Variants in CLEC16A observed in about 807,000 individuals in gnomAD.
CLEC16A encodes protein CLEC16A.
CLEC16A carries 51 observed loss-of-function variants against 109.5 expected under a neutral mutation model. The observed-to-expected ratio is 0.47, with a 90% CI of 0.37 to 0.59. The LOEUF (loss-of-function observed/expected upper bound fraction) is 0.59, where lower values mean the gene tolerates loss of function less well. Ranked by LOEUF, CLEC16A falls within the 20% of genes least tolerant of loss-of-function variation. The probability of loss-of-function intolerance (pLI) is 0.00; values close to 1 mark genes in which losing one functional copy is unlikely to be tolerated. For synonymous variants in CLEC16A, 673 were observed against 564.2 expected (o/e 1.19, Z -2.73); for missense variants, 1,339 against 1,394.0 (o/e 0.96, Z 0.63).
At chr16:11,158,250 A>T (rs2054603715) in intron 22 of CLEC16A, among the ~76,000 whole-genome samples, 1 of 152,192 alleles carries the variant, frequency 6.6e-6, no homozygotes, top group African/African-American at 2.4e-5. Context: ...ATCGTCAGAA[A>T]CCTGAGCCAC....
At chr16:10,993,159 G>T (rs778033776) in intron 10 of CLEC16A, among the ~76,000 whole-genome samples, 1 of 152,082 alleles carries the variant, frequency 6.6e-6, no homozygotes, top group East Asian at 1.9e-4. Context: ...TGGGAGGCCG[G>T]TGTGGGCAGA....
intron 13 of CLEC16A, among the ~76,000 whole-genome samples, chr16:11,030,344 C>G (rs2046667596): frequency 6.6e-6 from 1 of 152,132 alleles, no homozygotes; most frequent in South Asian, 2.1e-4. Context: ...AAGATACTGC[C>G]AAACTGTTTT....
chr16:11,161,499 T>C (rs2054720056), intron 22 of CLEC16A, among the ~76,000 whole-genome samples: 1 of 152,204 alleles, frequency 6.6e-6, no homozygotes, highest in Non-Finnish European at 1.5e-5. Flanking sequence ...CCTAGGCTGC[T>C]GGAGGCAGAT....
chr16:11,093,826 A>T (rs2050451833), intron 19 of CLEC16A, among the ~76,000 whole-genome samples: 1 of 152,196 alleles, frequency 6.6e-6, no homozygotes, highest in South Asian at 2.1e-4. Context: ...TCCATGGCAC[A>T]GTTAGCAGGG....
intron 22 of CLEC16A, among the ~76,000 whole-genome samples, chr16:11,133,347 AAAAAAATTTTTTTTTTG>A (rs2053349669): frequency 6.6e-6 from 1 of 151,874 alleles, no homozygotes; most frequent in Admixed American, 6.6e-5. Flanking sequence ...TCAAAAAAAA[AAAAAAATTTTTTTTTTG>A]ACTCTCCTGA....
chr16:10,962,655 T>C, intron 3 of CLEC16A, 67 bp downstream of exon 3: 1 of 1,568,662 alleles, frequency 6.4e-7, no homozygotes, highest in Non-Finnish European at 8.7e-7. Flanking sequence ...TTGGGCGTGG[T>C]TTTCTGTGTC....
chr16:11,011,368 T>C (rs1597033779), intron 11 of CLEC16A, among the ~76,000 whole-genome samples: 1 of 152,222 alleles, frequency 6.6e-6, no homozygotes, highest in African/African-American at 2.4e-5. Flanking sequence ...TGTGGACTCA[T>C]GGATTCCAAT....
intron 22 of CLEC16A, among the ~76,000 whole-genome samples, chr16:11,163,279 G>A (rs1260337742): frequency 6.6e-6 from 1 of 152,192 alleles, no homozygotes; most frequent in African/African-American, 2.4e-5. Context: ...GAAATTGCAG[G>A]TGGGGGGCCT....
intron 15 of CLEC16A, among the ~76,000 whole-genome samples, chr16:11,042,973 TG>T (rs1466643307): frequency 6.6e-6 from 1 of 151,332 alleles, no homozygotes; most frequent in Non-Finnish European, 1.5e-5. Context: ...TATTTACATA[TG>T]TAATATGTAA....
intron 17 of CLEC16A, among the ~76,000 whole-genome samples, chr16:11,049,326 A>T (rs185289043): frequency 4.1e-4 from 63 of 151,954 alleles, no homozygotes; most frequent in African/African-American, 1.3e-3. Flanking sequence ...TTAAATCCGT[A>T]AGGTGGGGGA....
At chr16:11,163,375 G>A (rs1025337798) in intron 22 of CLEC16A, among the ~76,000 whole-genome samples, 1 of 152,256 alleles carries the variant, frequency 6.6e-6, no homozygotes, top group African/African-American at 2.4e-5. Context: ...GGGAGAGAGA[G>A]TGGAAAGGAG....
chr16:11,162,287 G>C (rs1178156744), intron 22 of CLEC16A, among the ~76,000 whole-genome samples: 1 of 152,342 alleles, frequency 6.6e-6, no homozygotes, highest in African/African-American at 2.4e-5. Context: ...CCCACTGTTG[G>C]AGTGGCCTGC....
At chr16:10,955,977 ACT>A (rs1178090585) in intron 1 of CLEC16A, among the ~76,000 whole-genome samples, 2 of 151,818 alleles carry the variant, frequency 1.3e-5, no homozygotes, top group Non-Finnish European at 2.9e-5. Flanking sequence ...AGTTTGGAAA[ACT>A]CTGCCGTTTG....
intron 2 of CLEC16A, 114 bp downstream of exon 2, chr16:10,958,024 C>T: frequency 9.4e-7 from 1 of 1,068,658 alleles, no homozygotes; most frequent in Non-Finnish European, 1.4e-6. Context: ...TTTGATCTTG[C>T]CTAGATATCT....
chr16:11,169,354 T>A (rs915297425), intron 23 of CLEC16A, among the ~76,000 whole-genome samples: 3 of 152,188 alleles, frequency 2.0e-5, no homozygotes, highest in Non-Finnish European at 4.4e-5. Flanking sequence ...TGTCGCAGTC[T>A]CGGCTCACTG....
In CLEC16A at chr16:11,173,219, T is replaced by C. The variant is rs188512596; in HGVS notation, c.2807-5116T>C. Among the ~76,000 whole-genome samples the C allele has an allele frequency of 1.1e-3, 163 of 152,334 alleles. 1 individual carries two copies. Among genetic ancestry groups the C allele is most frequent in the African/African-American group, 3.8e-3 (156 of 41,568 alleles). ...TCGTCCCTTTTCTCAGTTTTCTCTG[T>C]GGCATCATCCTTTTTTATTGTGGTA... On this transcript the variant is annotated intron_variant, in intron 23 of 23. Transcript: ENST00000409790.
chr16:11,097,930 G>A (rs1038460671), intron 19 of CLEC16A, among the ~76,000 whole-genome samples: 5 of 152,192 alleles, frequency 3.3e-5, no homozygotes, highest in East Asian at 1.9e-4. Flanking sequence ...GCTGGCCCAC[G>A]GGCGACAGGT....
At chr16:10,995,509 T>C (rs2044273672) in intron 10 of CLEC16A, among the ~76,000 whole-genome samples, 1 of 152,204 alleles carries the variant, frequency 6.6e-6, no homozygotes, top group South Asian at 2.1e-4. Context: ...GAGTCAAGTT[T>C]AAAGCATAGA....
rs200277462 is a variant in CLEC16A at position 11,180,373 on chromosome 16, T to C, written c.*1683T>C. 3.3e-5 allele frequency: 5 copies of C among 152,134 alleles called. No homozygotes were observed. The highest frequency in any genetic ancestry group is 1.5e-5 in the Non-Finnish European group (1 of 68,080). The allele number at this position is 152,134 out of a possible 1,614,324, so 9.4% of individuals were successfully genotyped here. On this transcript the variant is annotated 3_prime_UTR_variant, in exon 24 of 24. Coordinates refer to ENST00000409790, the MANE Select transcript of CLEC16A (RefSeq NM_015226.3). ...GCAGGTACAAGGACCTTTGCTTCCATAGAGAAAACGCACAGCTCAGAAAGG... is the reference window on the plus strand; with the variant it reads ...GCAGGTACAAGGACCTTTGCTTCCACAGAGAAAACGCACAGCTCAGAAAGG...
Sources: gnomAD v4.1 joint callset for allele counts (sites outside exome capture counted in the v4.1 genomes callset) on GRCh38, gnomAD v4.1.1 for gene constraint, MANE v1.5 for transcripts, NCBI Gene and HGNC (gene_info 2026-07-23, HGNC 2026-07-21) for gene names.